MTBP: variants seen among roughly 807,000 people sequenced by gnomAD.
MTBP encodes MDM2 binding protein, also known as mdm2-binding protein.
A neutral mutation model predicts 117.0 loss-of-function variants in MTBP; 101 were observed. That is an observed-to-expected ratio of 0.86 (90% CI 0.73 to 1.02). The LOEUF (loss-of-function observed/expected upper bound fraction) is 1.02, where lower values mean the gene tolerates loss of function less well. MTBP is among the 50% of genes least tolerant of loss of function. The pLI, the probability that MTBP is intolerant of heterozygous loss-of-function variation, is 0.00. For synonymous variants in MTBP, 350 were observed against 351.5 expected, an observed-to-expected ratio of 1.00 and a Z score of 0.05; for missense variants, 970 against 1,030.9, an observed-to-expected ratio of 0.94 and a Z score of 0.81.
At chr8:120,493,798 A>G (rs1290067940) in intron 13 of MTBP, among the ~76,000 whole-genome samples, 1 of 152,038 alleles carries the variant, frequency 6.6e-6, no homozygotes, top group Non-Finnish European at 1.5e-5. Flanking sequence ...GCCAGATTTG[A>G]GTATATTTTT....
chr8:120,496,247 T>A (rs1814454741), intron 13 of MTBP, among the ~76,000 whole-genome samples: 1 of 152,192 alleles, frequency 6.6e-6, no homozygotes, highest in South Asian at 2.1e-4. Flanking sequence ...TGTTCATGAC[T>A]AGCTCAGTGA....
chr8:120,453,975 T>C, intron 5 of MTBP, 70 bp downstream of exon 5: 1 of 944,550 alleles, frequency 1.1e-6, no homozygotes. Context: ...AATGATAAAT[T>C]TGTTCTTTAT....
At chr8:120,469,053 G>A (rs923957976) in intron 10 of MTBP, among the ~76,000 whole-genome samples, 2 of 151,810 alleles carry the variant, frequency 1.3e-5, no homozygotes, top group Non-Finnish European at 2.9e-5. Context: ...TTATTTTTTT[G>A]TTTTGTTTTT....
At chr8:120,448,029 T>C (rs1328464768) in intron 2 of MTBP, among the ~76,000 whole-genome samples, 1 of 152,060 alleles carries the variant, frequency 6.6e-6, no homozygotes, top group Non-Finnish European at 1.5e-5. Context: ...CCGGCTCAAG[T>C]GTCACTATCC....
intron 6 of MTBP, 151 bp downstream of exon 6, chr8:120,455,730 G>A (rs1813453853): frequency 1.4e-6 from 1 of 695,896 alleles, no homozygotes; most frequent in African/African-American, 1.9e-5. Context: ...TTTGTGTATT[G>A]AGAAGAATCT....
At chr8:120,515,788 C>A in intron 17 of MTBP, 137 bp from the exon 18 acceptor site, 1 of 771,782 alleles carries the variant, frequency 1.3e-6, no homozygotes, top group Non-Finnish European at 2.0e-6. Flanking sequence ...AATAGGCCAG[C>A]CACTCAACCT....
chr8:120,513,040 G>GTTAAAATA (rs1435072462), intron 17 of MTBP, among the ~76,000 whole-genome samples: 1 of 152,004 alleles, frequency 6.6e-6, no homozygotes, highest in African/African-American at 2.4e-5. Context: ...TTTAAGGCAA[G>GTTAAAATA]TTAAAATATT....
chr8:120,465,880 G>A (rs199525536), intron 10 of MTBP, among the ~76,000 whole-genome samples: 10 of 151,916 alleles, frequency 6.6e-5, no homozygotes, highest in East Asian at 5.8e-4. Flanking sequence ...GTTTAACACA[G>A]GTGTAACATA....
chr8:120,505,210 G>A (rs1190516436), intron 15 of MTBP, among the ~76,000 whole-genome samples: 5 of 151,958 alleles, frequency 3.3e-5, no homozygotes, highest in East Asian at 1.9e-4. Context: ...TGTTCCCCAC[G>A]TCTCTCACTT....
At chr8:120,505,717 A>G (rs1814673037) in intron 15 of MTBP, among the ~76,000 whole-genome samples, 1 of 152,202 alleles carries the variant, frequency 6.6e-6, no homozygotes, top group African/African-American at 2.4e-5. Flanking sequence ...ATGCTATGGT[A>G]ACAGAGCTAA....
chr8:120,502,647 A>C, intron 15 of MTBP, 38 bp downstream of exon 15: 46 of 1,217,042 alleles, frequency 3.8e-5, no homozygotes, highest in Non-Finnish European at 5.3e-5. Context: ...GTGATAGCTC[A>C]GTAATTTGAA....
At chr8:120,448,870 C>T (rs368311628) in intron 2 of MTBP, among the ~76,000 whole-genome samples, 10 of 151,948 alleles carry the variant, frequency 6.6e-5, no homozygotes, top group East Asian at 1.9e-4. Context: ...GTTTGAGGGA[C>T]GGAAAGTACA....
chr8:120,461,267 T>A lies in MTBP; in HGVS notation c.977+12T>A. 3 of 1,518,418 alleles carry A rather than the reference T, an allele frequency of 2.0e-6. No homozygotes were observed. The highest frequency in any genetic ancestry group is 2.7e-6 in the Non-Finnish European group (3 of 1,095,450). The allele number at this position is 1,518,418 out of a possible 1,614,324, so 94.1% of individuals were successfully genotyped here. On this transcript the variant is annotated intron_variant, in intron 9 of 21. Transcript: ENST00000305949. ...ATTGAATTTGAGTTGTATCCTTTCA[T>A]TTACATGTTCATTTTAGATTACATT...
Position 120,506,861 on chromosome 8 carries a change from G to T in MTBP, c.1883G>T (p.Gly628Val). The T allele has an allele frequency of 6.3e-7, 1 of 1,594,476 alleles. No homozygotes were observed. The highest frequency in any genetic ancestry group is 1.8e-5 in the Admixed American group (1 of 54,432). Residue 628 changes from glycine (G) to valine (V), a missense_variant and splice_region_variant, in exon 16 of 22, where the codon GGG becomes GTG. Gly to Val is a moderately radical substitution (Grantham distance 109, BLOSUM62 -3). Coordinates refer to ENST00000305949, the MANE Select transcript of MTBP (RefSeq NM_022045.5). ...CTTCAACCTTTACCGATTCAAAAGG[G>T]GTAGGTTATAAACTTATAATTTCCA... ...GDLQPLPIQK[G>V]EKTFVLTPEL...
chr8:120,491,843 A>G (rs1814353719), intron 13 of MTBP, among the ~76,000 whole-genome samples: 1 of 152,090 alleles, frequency 6.6e-6, no homozygotes, highest in Non-Finnish European at 1.5e-5. Context: ...AAGCTGGTGC[A>G]TCTCTTCTTT....
chr8:120,449,090 G>T (rs567979850), intron 2 of MTBP, among the ~76,000 whole-genome samples: 1 of 152,166 alleles, frequency 6.6e-6, no homozygotes, highest in African/African-American at 2.4e-5. Context: ...AGCTATTTCT[G>T]TACTGGGGGA....
At chr8:120,457,526 T>C (rs1813494250) in intron 7 of MTBP, among the ~76,000 whole-genome samples, 1 of 152,200 alleles carries the variant, frequency 6.6e-6, no homozygotes, top group Non-Finnish European at 1.5e-5. Context: ...CAGGAATCAA[T>C]GTGGCTGGAT....
At chr8:120,500,851 G>A (rs1350759324) in intron 14 of MTBP, among the ~76,000 whole-genome samples, 1 of 151,850 alleles carries the variant, frequency 6.6e-6, no homozygotes, top group Non-Finnish European at 1.5e-5. Context: ...GAGGCCAGAT[G>A]TTCGAGACCA....
chr8:120,456,675 A>G lies in MTBP; in HGVS notation c.747+5A>G. 1 of 1,474,306 alleles carries G rather than the reference A, an allele frequency of 6.8e-7. No individual in the cohort carries two copies. Among genetic ancestry groups the G allele is most frequent in the Non-Finnish European group, 9.4e-7 (1 of 1,063,226 alleles). The allele number at this position is 1,474,306 out of a possible 1,614,324, so 91.3% of individuals were successfully genotyped here. ...ATACAGATATGGGAAAGAAAGGTAA[A>G]TGGATTATTCACAGTTTGCCAAGTA... is the stretch of plus-strand genomic sequence containing the variant. On this transcript the variant is annotated splice_donor_5th_base_variant and intron_variant, in intron 7 of 21. Transcript: ENST00000305949.
Sources: gnomAD v4.1 joint callset for allele counts (sites outside exome capture counted in the v4.1 genomes callset) on GRCh38, gnomAD v4.1.1 for gene constraint, MANE v1.5 for transcripts, NCBI Gene and HGNC (gene_info 2026-07-23, HGNC 2026-07-21) for gene names.